Variants in NDST3 observed in about 807,000 individuals in gnomAD.
NDST3 encodes the protein bifunctional heparan sulfate N-deacetylase/N-sulfotransferase 3.
In NDST3, 58 loss-of-function variants were observed where a neutral mutation model predicts 96.1. The ratio of observed to expected loss-of-function variants is 0.60; its 90% CI spans 0.49 to 0.75. NDST3 has a LOEUF of 0.75. Among genes scored for constraint, NDST3 ranks in the 30% least tolerant of loss-of-function variants. The pLI is 0.00. For synonymous variants in NDST3, 333 were observed against 359.7 expected (o/e 0.93, Z 0.84); for missense variants, 788 against 1,034.2 (o/e 0.76, Z 3.27).
chr4:118,144,282 G>A (rs554131713), intron 6 of NDST3, among the ~76,000 whole-genome samples: 1 of 151,980 alleles, frequency 6.6e-6, no homozygotes, highest in African/African-American at 2.4e-5. Flanking sequence ...CCGGGTTCAC[G>A]CCATTCTCCT....
At chr4:118,051,593 G>C (rs547015629) in intron 1 of NDST3, among the ~76,000 whole-genome samples, 1 of 152,028 alleles carries the variant, frequency 6.6e-6, no homozygotes, top group East Asian at 1.9e-4. Context: ...AACAGGCAAA[G>C]GACATGAGCA....
At chr4:118,222,743 C>T (rs888046993) in intron 6 of NDST3, among the ~76,000 whole-genome samples, 1 of 151,986 alleles carries the variant, frequency 6.6e-6, no homozygotes, top group Admixed American at 6.6e-5. Flanking sequence ...TCTTTACTAG[C>T]TCATAACTCA....
intron 1 of NDST3, among the ~76,000 whole-genome samples, chr4:118,041,149 A>G (rs1724442274): frequency 6.6e-6 from 1 of 151,906 alleles, no homozygotes; most frequent in African/African-American, 2.4e-5. Context: ...GCTGCCCAAT[A>G]TGCATTTCCT....
intron 7 of NDST3, among the ~76,000 whole-genome samples, chr4:118,226,578 A>G (rs1418610020): frequency 1.3e-5 from 2 of 152,116 alleles, no homozygotes; most frequent in African/African-American, 4.8e-5. Flanking sequence ...ATCTCTGCCC[A>G]GTAAGCTAAC....
chr4:118,193,771 A>G, intron 6 of NDST3: 1 of 1,487,298 alleles, frequency 6.7e-7, no homozygotes, highest in Non-Finnish European at 9.3e-7. Flanking sequence ...TTTCAGTGGC[A>G]GCAGAGAAGG....
intron 5 of NDST3, among the ~76,000 whole-genome samples, chr4:118,138,697 C>T (rs1733327031): frequency 6.6e-6 from 1 of 152,140 alleles, no homozygotes. Context: ...TGAAGCCCTG[C>T]ATAATCATTA....
At chr4:118,139,249 A>G (rs541100564) in intron 5 of NDST3, among the ~76,000 whole-genome samples, 2 of 152,348 alleles carry the variant, frequency 1.3e-5, no homozygotes, top group African/African-American at 4.8e-5. Flanking sequence ...TCAAGCTGCC[A>G]GAATTCTGAC....
At chr4:118,111,202 A>G (rs778289100) in intron 3 of NDST3, among the ~76,000 whole-genome samples, 7 of 152,146 alleles carry the variant, frequency 4.6e-5, no homozygotes, top group Admixed American at 2.0e-4. Flanking sequence ...TTGAAAAACT[A>G]CCTGTTGTGT....
At chr4:118,055,676 T>G (rs1004133969) in intron 2 of NDST3, 5 of 151,970 alleles carry the variant, frequency 3.3e-5, no homozygotes, top group African/African-American at 9.7e-5. Flanking sequence ...AGTTTCCAAT[T>G]CGAAATGTCA....
At chr4:118,096,827 C>T (rs1423329402) in intron 2 of NDST3, among the ~76,000 whole-genome samples, 2 of 151,854 alleles carry the variant, frequency 1.3e-5, no homozygotes, top group African/African-American at 4.8e-5. Context: ...TAGTTCCTGT[C>T]CAGGTTTGAA....
chr4:118,193,794 G>T, intron 6 of NDST3: 1 of 1,486,780 alleles, frequency 6.7e-7, no homozygotes, highest in African/African-American at 1.4e-5. Flanking sequence ...TGTAGTTTCA[G>T]ATGACACATG....
At chr4:118,126,514 G>GTATA (rs776694923) in intron 4 of NDST3, among the ~76,000 whole-genome samples, 21 of 49,266 alleles carry the variant, frequency 4.3e-4, no homozygotes, top group Admixed American at 1.0e-3. Context: ...GTATGTATGT[G>GTATA]TATATATATA....
chr4:118,219,687 G>A (rs1739411889), intron 6 of NDST3, among the ~76,000 whole-genome samples: 1 of 151,990 alleles, frequency 6.6e-6, no homozygotes, highest in African/African-American at 2.4e-5. Flanking sequence ...TTGACAAATG[G>A]GATTATAATT....
At chr4:118,220,044 G>A (rs1021378936) in intron 6 of NDST3, among the ~76,000 whole-genome samples, 3 of 152,102 alleles carry the variant, frequency 2.0e-5, no homozygotes, top group South Asian at 4.1e-4. Flanking sequence ...TTCAACCATT[G>A]TGGAAGACAG....
chr4:118,236,753 T>G (rs1740672001), intron 9 of NDST3, among the ~76,000 whole-genome samples: 1 of 152,212 alleles, frequency 6.6e-6, no homozygotes. Flanking sequence ...TTTGATATAG[T>G]TAGGTCGATC....
intron 3 of NDST3, among the ~76,000 whole-genome samples, chr4:118,112,054 A>C (rs955972431): frequency 6.6e-6 from 1 of 152,150 alleles, no homozygotes; most frequent in Non-Finnish European, 1.5e-5. Context: ...AGTAGGATTA[A>C]AAGAAATCAG....
At chr4:118,044,335 A>G (rs1031639766) in intron 1 of NDST3, among the ~76,000 whole-genome samples, 1 of 152,246 alleles carries the variant, frequency 6.6e-6, no homozygotes, top group Non-Finnish European at 1.5e-5. Flanking sequence ...TATAATTACA[A>G]TGAAAACTCT....
chr4:118,242,265 T>C (rs1741053974), intron 12 of NDST3, 116 bp downstream of exon 12: 1 of 597,840 alleles, frequency 1.7e-6, no homozygotes, highest in Non-Finnish European at 2.9e-6. Flanking sequence ...TGGTTATTTT[T>C]CAATTTGACA....
chr4:118,160,998 GT>G, intron 6 of NDST3, among the ~76,000 whole-genome samples: 2 of 152,182 alleles, frequency 1.3e-5, no homozygotes, highest in Non-Finnish European at 2.9e-5. Flanking sequence ...CATCTTCGTG[GT>G]TTTATCTACT....
Sources: gnomAD v4.1 joint callset for allele counts (sites outside exome capture counted in the v4.1 genomes callset) on GRCh38, gnomAD v4.1.1 for gene constraint, MANE v1.5 for transcripts, NCBI Gene and HGNC (gene_info 2026-07-23, HGNC 2026-07-21) for gene names.